Variants in CPXM2 observed in about 807,000 individuals in gnomAD.
CPXM2 encodes the protein carboxypeptidase X, M14 family member 2.
Under a neutral mutation model 86.1 loss-of-function variants are expected in CPXM2, and 66 were observed. That is an observed-to-expected ratio of 0.77 (90% CI 0.63 to 0.94). CPXM2 has a LOEUF of 0.94. CPXM2 is among the 40% of genes least tolerant of loss of function. The probability of loss-of-function intolerance (pLI) is 0.00; values close to 1 mark genes in which losing one functional copy is unlikely to be tolerated. For synonymous variants in CPXM2, 388 were observed against 400.2 expected, an observed-to-expected ratio of 0.97 and a Z score of 0.36; for missense variants, 948 against 1,026.3, an observed-to-expected ratio of 0.92 and a Z score of 1.04.
chr10:123,917,436 G>C (rs1019782321), intron 2 of CPXM2, among the ~76,000 whole-genome samples: 2 of 152,138 alleles, frequency 1.3e-5, no homozygotes, highest in African/African-American at 4.8e-5. Context: ...GAGAGCCTGC[G>C]GACAGAACCT....
intron 6 of CPXM2, among the ~76,000 whole-genome samples, chr10:123,789,619 C>G (rs1351636931): frequency 1.3e-5 from 2 of 152,194 alleles, no homozygotes; most frequent in Non-Finnish European, 2.9e-5. Flanking sequence ...AAAGAAGAAC[C>G]AGCACTCAAA....
intron 2 of CPXM2, among the ~76,000 whole-genome samples, chr10:123,924,888 A>G (rs1441984846): frequency 6.6e-6 from 1 of 152,198 alleles, no homozygotes; most frequent in Non-Finnish European, 1.5e-5. Flanking sequence ...GACCCTGATT[A>G]GAACAAAATA....
intron 4 of CPXM2, among the ~76,000 whole-genome samples, chr10:123,837,367 C>G (rs1264031271): frequency 1.6e-4 from 25 of 152,196 alleles, no homozygotes; most frequent in Admixed American, 1.6e-3. Context: ...CATCAAATCG[C>G]TGCCCCACTT....
At chr10:123,893,206 C>T (rs1331965360), upstream of CPXM2, among the ~76,000 whole-genome samples, 1 of 152,128 alleles carries the variant, frequency 6.6e-6, no homozygotes, top group Non-Finnish European at 1.5e-5. Context: ...GACAGACTGA[C>T]CCTCAAGCCT....
chr10:123,897,923 A>C (rs902234392), intron 2 of CPXM2, among the ~76,000 whole-genome samples: 3 of 152,202 alleles, frequency 2.0e-5, no homozygotes, highest in Non-Finnish European at 4.4e-5. Context: ...CCCTCTTTCT[A>C]TCCTCCCAGT....
At chr10:123,809,965 A>G (rs1260785529) in intron 4 of CPXM2, among the ~76,000 whole-genome samples, 1 of 152,078 alleles carries the variant, frequency 6.6e-6, no homozygotes, top group Non-Finnish European at 1.5e-5. Flanking sequence ...ATTAGTTAAT[A>G]GATCATTAAG....
chr10:123,792,435 G>A (rs139472448), intron 6 of CPXM2, among the ~76,000 whole-genome samples: 3 of 152,130 alleles, frequency 2.0e-5, no homozygotes, highest in African/African-American at 7.2e-5. Context: ...GTTTTGAAAC[G>A]CAAGGCGCCA....
upstream of CPXM2, among the ~76,000 whole-genome samples, chr10:123,893,359 A>T (rs1475028463): frequency 1.3e-5 from 2 of 152,178 alleles, no homozygotes; most frequent in Non-Finnish European, 2.9e-5. Context: ...CTGAGACCCC[A>T]CAGTGGGCAG....
intron 3 of CPXM2, among the ~76,000 whole-genome samples, chr10:123,854,294 AG>A (rs1200659654): frequency 2.1e-5 from 3 of 146,112 alleles, no homozygotes; most frequent in African/African-American, 7.7e-5. Context: ...CAGGGAGATA[AG>A]GCAGCACAAG....
intron 6 of CPXM2, among the ~76,000 whole-genome samples, chr10:123,788,227 C>T (rs915173904): frequency 2.2e-4 from 32 of 148,526 alleles, no homozygotes; most frequent in African/African-American, 7.5e-4. Flanking sequence ...TTGCAGTGAG[C>T]CGAGATCATG....
At chr10:123,930,285 T>C (rs1945656656) in intron 2 of CPXM2, among the ~76,000 whole-genome samples, 1 of 152,232 alleles carries the variant, frequency 6.6e-6, no homozygotes, top group South Asian at 2.1e-4. Context: ...TCAAAGTTAC[T>C]CTTTGAGACT....
chr10:123,761,423 G>T (rs938821997), intron 11 of CPXM2, among the ~76,000 whole-genome samples: 6 of 152,176 alleles, frequency 3.9e-5, no homozygotes, highest in African/African-American at 1.2e-4. Flanking sequence ...AGCTCTTACA[G>T]CTAAGATAAG....
At position 123,901,429 on chromosome 10, in the gene CPXM2, TTGTGTGTGTG is replaced by T. The variant is rs3069582; in HGVS notation, n.175-21130_175-21121del. On this transcript the variant is annotated intron_variant and non_coding_transcript_variant, in intron 2 of 19. Transcript: ENST00000368854. ...TTGTTTTCCTTCCATCCAAGCAAGT[TTGTGTGTGTG>T]TGTGTGTGTGTGTGTGTGTGTGTGT... 4.4e-3 allele frequency among the ~76,000 whole-genome samples: 608 copies of T among 139,036 alleles called. 9 individuals carry two copies. Among genetic ancestry groups the T allele is most frequent in the Admixed American group, 0.031 (430 of 14,060 alleles). The allele number at this position is 139,036 out of a possible 152,430, so 91.2% of individuals were successfully genotyped here.
intron 4 of CPXM2, among the ~76,000 whole-genome samples, chr10:123,837,625 A>G (rs1848306490): frequency 6.6e-6 from 1 of 152,212 alleles, no homozygotes; most frequent in Non-Finnish European, 1.5e-5. Flanking sequence ...GTATACTAAC[A>G]TTGCACAAAA....
chr10:123,935,368 G>C (rs1945705517), intron 2 of CPXM2, among the ~76,000 whole-genome samples: 1 of 152,124 alleles, frequency 6.6e-6, no homozygotes, highest in Admixed American at 6.5e-5. Context: ...CTGGGAAAAG[G>C]CAATTGGGGA....
Position 123,790,646 on chromosome 10 carries a change from C to A in CPXM2, c.889+7330G>T, listed in dbSNP as rs577090192. On this transcript the variant is annotated intron_variant, in intron 6 of 13. Coordinates refer to ENST00000241305, the MANE Select transcript of CPXM2 (RefSeq NM_198148.3). ...CAGGCTGCAGCCAACCAGGGCCAAT[C>A]CCACCTCAGCTGAGAAGGATTCACC... Among the ~76,000 whole-genome samples, 3 of 152,220 alleles carry A rather than the reference C, an allele frequency of 2.0e-5. No individual in the cohort carries two copies. In the South Asian group the frequency reaches 6.2e-4, roughly 32 times the overall value.
chr10:123,781,732 C>G (rs1846939191), intron 6 of CPXM2, among the ~76,000 whole-genome samples: 1 of 152,192 alleles, frequency 6.6e-6, no homozygotes, highest in Non-Finnish European at 1.5e-5. Context: ...CTATACCCAG[C>G]CCCGATCTAC....
chr10:123,941,665 C>A (rs573232897), upstream of CPXM2, among the ~76,000 whole-genome samples: 1 of 152,188 alleles, frequency 6.6e-6, no homozygotes, highest in Non-Finnish European at 1.5e-5. Context: ...TGGATATTCA[C>A]GAGGTAGAAC....
chr10:123,916,473 A>G (rs960912390), intron 2 of CPXM2, among the ~76,000 whole-genome samples: 1 of 152,154 alleles, frequency 6.6e-6, no homozygotes, highest in Non-Finnish European at 1.5e-5. Context: ...GCTCCTTTCC[A>G]TGGAGCCCCA....
Sources: gnomAD v4.1 joint callset for allele counts (sites outside exome capture counted in the v4.1 genomes callset) on GRCh38, gnomAD v4.1.1 for gene constraint, MANE v1.5 for transcripts, NCBI Gene and HGNC (gene_info 2026-07-23, HGNC 2026-07-21) for gene names.